TTI1: variants seen among roughly 807,000 people sequenced by gnomAD.
The protein encoded by TTI1 is TELO2-interacting protein 1 homolog.
A neutral mutation model predicts 85.4 loss-of-function variants in TTI1; 52 were observed. That is an observed-to-expected ratio of 0.61 (90% confidence interval 0.49 to 0.77). The LOEUF (loss-of-function observed/expected upper bound fraction) is 0.77. Among genes scored for constraint, TTI1 ranks in the 30% least tolerant of loss-of-function variants. TTI1 has a pLI of 0.00. For synonymous variants in TTI1, 512 were observed against 503.9 expected (o/e 1.02, Z -0.22); for missense variants, 1,173 against 1,296.0 (o/e 0.91, Z 1.46).
At chr20:37,987,182 G>C (rs1346858426) in intron 7 of TTI1, 1 of 456,748 alleles carries the variant, frequency 2.2e-6, no homozygotes, top group South Asian at 1.5e-5. Flanking sequence ...CTTAGCGCCA[G>C]GCTTTGTTCC....
intron 7 of TTI1, 27 bp downstream of exon 7, chr20:37,996,348 G>A (rs1262772569): frequency 1.2e-6 from 2 of 1,612,342 alleles, no homozygotes; most frequent in East Asian, 2.2e-5. Context: ...CAAACGTAAA[G>A]GGATGCGGGT....
intron 7 of TTI1, among the ~76,000 whole-genome samples, chr20:37,993,930 T>G (rs1306413751): frequency 1.3e-5 from 2 of 152,154 alleles, no homozygotes. Context: ...GGTCTGTTGT[T>G]CTGGTGGGAG....
chr20:38,018,014 C>A (rs2073709484), intron 1 of TTI1, among the ~76,000 whole-genome samples: 1 of 152,136 alleles, frequency 6.6e-6, no homozygotes, highest in African/African-American at 2.4e-5. Flanking sequence ...AAGGGGCAAA[C>A]CTTGATGGTG....
chr20:37,984,645 G>A (rs991560263), intron 7 of TTI1, among the ~76,000 whole-genome samples: 13 of 152,186 alleles, frequency 8.5e-5, no homozygotes, highest in African/African-American at 3.1e-4. Context: ...CCTGCTCGGA[G>A]GCTGGGCTCC....
At chr20:38,025,121 T>C (rs1407979906) in intron 1 of TTI1, among the ~76,000 whole-genome samples, 1 of 152,152 alleles carries the variant, frequency 6.6e-6, no homozygotes, top group East Asian at 1.9e-4. Flanking sequence ...CTACCAGGAA[T>C]GGTGTCAGAG....
chr20:38,010,616 G>A (rs756408002), intron 2 of TTI1, among the ~76,000 whole-genome samples: 8 of 151,288 alleles, frequency 5.3e-5, no homozygotes, highest in Non-Finnish European at 1.2e-4. Context: ...GACTACAGGC[G>A]CCCGCCACCA....
intron 5 of TTI1, 51 bp downstream of exon 5, chr20:37,999,137 G>A: frequency 2.3e-6 from 3 of 1,326,184 alleles, no homozygotes; most frequent in Non-Finnish European, 2.9e-6. Context: ...TGAGCTCTGT[G>A]CCTACTAACT....
At chr20:38,010,011 T>C (rs1204347864) in intron 2 of TTI1, among the ~76,000 whole-genome samples, 2 of 152,234 alleles carry the variant, frequency 1.3e-5, no homozygotes, top group East Asian at 3.8e-4. Context: ...TTTGTTTACT[T>C]GTTTATCATC....
chr20:37,987,537 G>A (rs576499824), intron 7 of TTI1: 2 of 366,220 alleles, frequency 5.5e-6, no homozygotes, highest in Non-Finnish European at 1.1e-5. Context: ...TGGCTCCAGA[G>A]AGCACAGTTA....
Position 37,999,342 on chromosome 20 carries a change from G to T in TTI1, c.2653-14C>A, listed in dbSNP as rs756731938. 7.2e-6 allele frequency: 10 copies of T among 1,387,432 alleles called. 1 individual carries two copies. In the South Asian group the frequency reaches 1.9e-4, roughly 26 times the overall value. 85.9% of individuals were successfully genotyped at this position (1,387,432 alleles called of 1,614,324 possible). A position where few individuals can be genotyped will look rare whatever the true frequency, so the allele number is the denominator to read the frequency against. On this transcript the variant is annotated splice_polypyrimidine_tract_variant and intron_variant, in intron 4 of 7. Transcript: ENST00000373447. ...CACATCCAAGACCTGAAAGAGACAC[G>T]ATTTCAGCAGATGGTATAGGCTTGA...
At chr20:38,010,904 A>G (rs1217736256) in intron 2 of TTI1, among the ~76,000 whole-genome samples, 2 of 152,248 alleles carry the variant, frequency 1.3e-5, no homozygotes, top group African/African-American at 2.4e-5. Flanking sequence ...TGCTCTGTCC[A>G]GTATGGTAGT....
chr20:38,012,661 G>C lies in TTI1; in HGVS notation c.1156C>G (p.Pro386Ala), dbSNP rs776675822. Reference sequence around the variant, plus strand: ...TCATCTTGGGAGTTCATTAGGCGAGGAAGAGATGTGGCAAGGGAATGCAGG... The same window carrying C: ...TCATCTTGGGAGTTCATTAGGCGAGCAAGAGATGTGGCAAGGGAATGCAGG... Reference protein sequence around the residue: ...ESLHSLATSLPRLMNSQDDQG... With the variant: ...ESLHSLATSLARLMNSQDDQG... The change falls in exon 2 of 8, where the codon CCT (proline) becomes GCT (alanine). Residue 386 changes from proline (P) to alanine (A), a missense_variant. Physicochemically the swap from Pro to Ala is conservative, Grantham distance 27. Transcript: ENST00000373447. 1.0e-4 allele frequency: 165 copies of C among 1,614,106 alleles called. No homozygotes were observed. Among genetic ancestry groups the C allele is most frequent in the Non-Finnish European group, 1.3e-4 (157 of 1,180,054 alleles).
chr20:38,006,702 T>C (rs1396225343), intron 2 of TTI1, among the ~76,000 whole-genome samples: 4 of 152,260 alleles, frequency 2.6e-5, no homozygotes, highest in Middle Eastern at 6.4e-3. Context: ...ACTTGCCCGA[T>C]AAGGCCCTCC....
intron 7 of TTI1, among the ~76,000 whole-genome samples, chr20:37,986,511 G>T (rs531119058): frequency 1.3e-5 from 2 of 152,194 alleles, no homozygotes; most frequent in Non-Finnish European, 2.9e-5. Flanking sequence ...ACTGTTTTGG[G>T]TCTCATTTCT....
At chr20:38,013,906 T>C in intron 1 of TTI1, 49 bp from the exon 2 acceptor site, 1 of 1,506,680 alleles carries the variant, frequency 6.6e-7, no homozygotes, top group Non-Finnish European at 8.8e-7. Context: ...AAAGCAAGTA[T>C]GAAGTGAACT....
At chr20:37,997,746 G>T (rs1041904553) in intron 5 of TTI1, among the ~76,000 whole-genome samples, 1 of 152,122 alleles carries the variant, frequency 6.6e-6, no homozygotes, top group Admixed American at 6.5e-5. Context: ...AGCTTCTATA[G>T]ACCTCAGTGT....
intron 1 of TTI1, among the ~76,000 whole-genome samples, chr20:38,030,065 T>C (rs2073886717): frequency 6.6e-6 from 1 of 152,150 alleles, no homozygotes; most frequent in Non-Finnish European, 1.5e-5. Context: ...ACAAATAGCT[T>C]TACCCATATA....
chr20:38,029,629 A>C (rs2073880694), intron 1 of TTI1, among the ~76,000 whole-genome samples: 2 of 152,136 alleles, frequency 1.3e-5, no homozygotes, highest in Admixed American at 1.3e-4. Context: ...GGAAATTTCC[A>C]ATATCAGTAA....
Position 38,022,186 on chromosome 20 carries a change from T to A in TTI1, c.-41-8329A>T, listed in dbSNP as rs78570458. ...GCCTCACACATCCATTCAGATGAAA[T>A]CATTTGGTCAGGGCCTTTGCACTTG... is the stretch of plus-strand genomic sequence containing the variant. On this transcript the variant is annotated intron_variant, in intron 1 of 7. Coordinates refer to ENST00000373447, the MANE Select transcript of TTI1 (RefSeq NM_001303457.2). Among the ~76,000 whole-genome samples the A allele has an allele frequency of 2.5e-4, 38 of 152,264 alleles. 1 individual carries two copies. In the East Asian group the frequency reaches 7.1e-3, roughly 29 times the overall value.
Sources: gnomAD v4.1 joint callset for allele counts (sites outside exome capture counted in the v4.1 genomes callset) on GRCh38, gnomAD v4.1.1 for gene constraint, MANE v1.5 for transcripts, NCBI Gene and HGNC (gene_info 2026-07-23, HGNC 2026-07-21) for gene names.